Variants in ADAMTS20 observed in about 807,000 individuals in gnomAD.
ADAMTS20 encodes the protein ADAM metallopeptidase with thrombospondin type 1 motif 20.
In ADAMTS20, 225 loss-of-function variants were observed where a neutral mutation model predicts 260.1. The ratio of observed to expected loss-of-function variants is 0.87; its 90% confidence interval spans 0.78 to 0.97. The LOEUF is 0.97. Ranked by LOEUF, ADAMTS20 falls within the 50% of genes least tolerant of loss-of-function variation. The pLI is 0.00. For missense variants in ADAMTS20, 2,400 were observed against 2,337.7 expected (o/e 1.03, Z -0.55); for synonymous variants, 802 against 769.5 (o/e 1.04, Z -0.70).
chr12:43,379,189 G>A (rs1239361702), intron 31 of ADAMTS20, among the ~76,000 whole-genome samples: 1 of 152,126 alleles, frequency 6.6e-6, no homozygotes, highest in Non-Finnish European at 1.5e-5. Context: ...TATTTGACCT[G>A]ACCTGCTCAG....
chr12:43,506,344 T>C (rs1410722372), intron 3 of ADAMTS20, among the ~76,000 whole-genome samples: 1 of 151,518 alleles, frequency 6.6e-6, no homozygotes, highest in Non-Finnish European at 1.5e-5. Flanking sequence ...AAAGGGAAAA[T>C]GGGGAGTTGT....
chr12:43,499,441 T>G (rs1484392504), intron 4 of ADAMTS20, among the ~76,000 whole-genome samples: 1 of 152,208 alleles, frequency 6.6e-6, no homozygotes, highest in African/African-American at 2.4e-5. Context: ...AGAACTTTAG[T>G]TATCTCAAAG....
At chr12:43,357,321 A>G (rs1407524368) in intron 37 of ADAMTS20, among the ~76,000 whole-genome samples, 1 of 152,222 alleles carries the variant, frequency 6.6e-6, no homozygotes, top group Non-Finnish European at 1.5e-5. Flanking sequence ...GAACAATATT[A>G]CGACATTCTT....
At chr12:43,539,907 A>T (rs1943353243) in intron 2 of ADAMTS20, among the ~76,000 whole-genome samples, 1 of 149,908 alleles carries the variant, frequency 6.7e-6, no homozygotes, top group South Asian at 2.1e-4. Flanking sequence ...TTTTTGAGAC[A>T]GAGTCTCACT....
intron 28 of ADAMTS20, among the ~76,000 whole-genome samples, chr12:43,421,463 C>T (rs986068998): frequency 6.6e-6 from 1 of 151,734 alleles, no homozygotes; most frequent in African/African-American, 2.4e-5. Flanking sequence ...AAAAACATTC[C>T]AAGAAAATAA....
intron 28 of ADAMTS20, among the ~76,000 whole-genome samples, chr12:43,414,506 A>T (rs1941092982): frequency 6.6e-6 from 1 of 152,142 alleles, no homozygotes; most frequent in South Asian, 2.1e-4. Context: ...ATATATCAGT[A>T]AGATAATGCA....
At chr12:43,386,012 A>G (rs144132934) in intron 29 of ADAMTS20, among the ~76,000 whole-genome samples, 3,420 of 152,082 alleles carry the variant, frequency 0.022, 58 homozygotes, top group East Asian at 0.085. Context: ...CTCCTTTATC[A>G]TTTTTATTGT....
In ADAMTS20 at chr12:43,501,477, G is replaced by GCACACACACACACA. The variant is rs1299065787; in HGVS notation, c.867+674_867+675insTGTGTGTGTGTGTG. On this transcript the variant is annotated intron_variant, in intron 4 of 38. Transcript: ENST00000389420. ...GAGGGGGATACGCGCGCGCGCGCGC[G>GCACACACACACACA]CGCGCACACACACACACACACACAC... 2.2e-4 allele frequency among the ~76,000 whole-genome samples: 14 copies of GCACACACACACACA among 62,262 alleles called. No homozygotes were observed. In the East Asian group the frequency reaches 4.5e-3, roughly 20 times the overall value. The allele number at this position is 62,262 out of a possible 152,430, so 40.8% of individuals were successfully genotyped here.
intron 4 of ADAMTS20, among the ~76,000 whole-genome samples, chr12:43,497,684 C>T (rs1006008760): frequency 1.3e-5 from 2 of 151,960 alleles, no homozygotes; most frequent in Non-Finnish European, 2.9e-5. Flanking sequence ...ATCCTAATAA[C>T]GTCAGTAAAA....
chr12:43,395,743 A>G (rs1270334841), intron 29 of ADAMTS20, among the ~76,000 whole-genome samples: 2 of 145,110 alleles, frequency 1.4e-5, no homozygotes, highest in Non-Finnish European at 3.0e-5. Flanking sequence ...TGGAGAACAC[A>G]CTATCTGACC....
intron 4 of ADAMTS20, among the ~76,000 whole-genome samples, chr12:43,496,058 T>G (rs556118257): frequency 6.6e-6 from 1 of 152,322 alleles, no homozygotes; most frequent in Admixed American, 6.5e-5. Context: ...TGAAGCAGTA[T>G]GTACAATGCA....
intron 37 of ADAMTS20, 132 bp from the exon 38 acceptor site, chr12:43,356,720 CA>C (rs1288113289): frequency 1.6e-6 from 1 of 612,426 alleles, no homozygotes; most frequent in African/African-American, 1.8e-5. Flanking sequence ...TAACTCTGCC[CA>C]ACTCTAGGAC....
intron 2 of ADAMTS20, among the ~76,000 whole-genome samples, chr12:43,547,108 T>TG (rs1336692314): frequency 6.6e-6 from 1 of 152,208 alleles, no homozygotes; most frequent in Admixed American, 6.5e-5. Context: ...TTCACATGTT[T>TG]GGGGTTAATT....
intron 14 of ADAMTS20, among the ~76,000 whole-genome samples, chr12:43,449,447 G>A (rs1445290690): frequency 6.6e-6 from 1 of 151,904 alleles, no homozygotes; most frequent in African/African-American, 2.4e-5. Context: ...GAACATATGG[G>A]CACAAAGAGG....
Position 43,381,857 on chromosome 12 carries a change from AAC to A in ADAMTS20, c.4797+1699_4797+1700del, listed in dbSNP as rs141345977. Among the ~76,000 whole-genome samples, 103 of 152,050 alleles carry A rather than the reference AAC, an allele frequency of 6.8e-4. 2 individuals carry two copies. In the East Asian group the frequency reaches 0.018, roughly 27 times the overall value. On this transcript the variant is annotated intron_variant, in intron 31 of 38. Coordinates refer to ENST00000389420, the MANE Select transcript of ADAMTS20 (RefSeq NM_025003.5). Reference sequence around the variant, plus strand: ...TATCTAAAGATATACAAATACCTAAAACACACACAAAAAGATACTCAACATCA... The same window carrying A: ...TATCTAAAGATATACAAATACCTAAAACACACAAAAAGATACTCAACATCA...
chr12:43,469,088 G>GA (rs936645844), intron 7 of ADAMTS20, among the ~76,000 whole-genome samples: 1 of 151,922 alleles, frequency 6.6e-6, no homozygotes, highest in Non-Finnish European at 1.5e-5. Context: ...GCTAATAAGA[G>GA]AAAAAAATGG....
In ADAMTS20 at chr12:43,497,143, T is replaced by G. The variant is rs78869346; in HGVS notation, c.868-3890A>C. On this transcript the variant is annotated intron_variant, in intron 4 of 38. Coordinates refer to ENST00000389420, the MANE Select transcript of ADAMTS20 (RefSeq NM_025003.5). ...TAATCTTTCATTCCTTAAATGTTAG[T>G]TTCCTTCACTTAAGTAGTTCTGACT... Among the ~76,000 whole-genome samples the G allele has an allele frequency of 6.8e-3, 1,035 of 152,326 alleles. 11 individuals carry two copies. The highest frequency in any genetic ancestry group is 0.024 in the African/African-American group (991 of 41,568).
intron 7 of ADAMTS20, among the ~76,000 whole-genome samples, chr12:43,489,882 A>G (rs1200279692): frequency 2.0e-5 from 3 of 152,056 alleles, no homozygotes. Context: ...AAATAAGCAA[A>G]AGTGATTTTT....
chr12:43,375,232 A>T, intron 36 of ADAMTS20, 147 bp downstream of exon 36: 2 of 553,942 alleles, frequency 3.6e-6, no homozygotes, highest in Non-Finnish European at 2.9e-6. Context: ...GGAAGTATGT[A>T]GCTAACTGTT....
Sources: gnomAD v4.1 joint callset for allele counts (sites outside exome capture counted in the v4.1 genomes callset) on GRCh38, gnomAD v4.1.1 for gene constraint, MANE v1.5 for transcripts, NCBI Gene and HGNC (gene_info 2026-07-23, HGNC 2026-07-21) for gene names.